TMEM100: variants seen among roughly 807,000 people sequenced by gnomAD.
TMEM100 encodes transmembrane protein 100.
For synonymous variants in TMEM100, 61 were observed against 67.1 expected (o/e 0.91, Z 0.44); for missense variants, 137 against 168.2 (o/e 0.81, Z 1.02).
At chr17:55,721,707 C>T (rs1597954167) in intron 1 of TMEM100, 3 of 152,356 alleles carry the variant, frequency 2.0e-5, no homozygotes, top group Admixed American at 2.0e-4. Flanking sequence ...ACAGTGCAAC[C>T]TGCTCCCTGG....
Position 55,722,658 on chromosome 17 carries a change from C to T in TMEM100, c.-105G>A, listed in dbSNP as rs1908935016. On this transcript the variant is annotated 5_prime_UTR_variant, in exon 1 of 2. Transcript: ENST00000424486. Reference sequence around the variant, plus strand: ...ATCCATTACCAGAGTAACCACTTGACTTGGAAGACAAGAAACAGCAACGCC... The same window carrying T: ...ATCCATTACCAGAGTAACCACTTGATTTGGAAGACAAGAAACAGCAACGCC... 1 of 152,252 alleles carries T rather than the reference C, an allele frequency of 6.6e-6. No homozygotes were observed. Among genetic ancestry groups the T allele is most frequent in the Admixed American group, 6.5e-5 (1 of 15,284 alleles). The allele number at this position is 152,252 out of a possible 1,614,324, so 9.4% of individuals were successfully genotyped here. A position where few individuals can be genotyped will look rare whatever the true frequency, so the allele number is the denominator to read the frequency against.
At chr17:55,724,463 A>T (rs975127672), upstream of TMEM100, among the ~76,000 whole-genome samples, 1 of 152,216 alleles carries the variant, frequency 6.6e-6, no homozygotes, top group Non-Finnish European at 1.5e-5. Flanking sequence ...GAGTACCGTC[A>T]CTTGGTGTTG....
At chr17:55,725,090 C>A (rs1195665040), upstream of TMEM100, among the ~76,000 whole-genome samples, 2 of 152,234 alleles carry the variant, frequency 1.3e-5, no homozygotes, top group Non-Finnish European at 2.9e-5. Context: ...ATCCTAACCA[C>A]TGACACATGC....
rs116250216 is a variant in TMEM100 at position 55,722,328 on chromosome 17, G to A, written c.-66+291C>T. 8.7e-3 allele frequency among the ~76,000 whole-genome samples: 1,325 copies of A among 152,244 alleles called. 17 individuals are homozygous for A. Among genetic ancestry groups the A allele is most frequent in the African/African-American group, 0.03 (1,245 of 41,534 alleles). ...GAGATTCATACTTTAAATATATTAA[G>A]CATCCACTGAAAACAAATTCAACTC... On this transcript the variant is annotated intron_variant, in intron 1 of 1. Coordinates refer to ENST00000424486, the MANE Select transcript of TMEM100 (RefSeq NM_018286.3).
chr17:55,722,937 T>G (rs1441219462), upstream of TMEM100: 1 of 152,160 alleles, frequency 6.6e-6, no homozygotes, highest in Non-Finnish European at 1.5e-5. Flanking sequence ...TTTTTTTTTT[T>G]CCTTCGTTCT....
Position 55,720,676 on chromosome 17 carries a change from A to G in TMEM100, c.395T>C (p.Leu132Ser). 1 of 1,605,218 alleles carries G rather than the reference A, an allele frequency of 6.2e-7. No individual in the cohort carries two copies. Among genetic ancestry groups the G allele is most frequent in the Non-Finnish European group, 8.5e-7 (1 of 1,176,352 alleles). ...QTALVANQRS[L>S]FA ...TGGTCGTATTCAGTCTCAAGCAAAC[A>G]AGCTTCTCTGATTTGCCACGAGAGC... Residue 132 changes from leucine (L) to serine (S), a missense_variant, in exon 2 of 2, where the codon TTG becomes TCG. Transcript: ENST00000424486.
At position 55,722,718 on chromosome 17, in the gene TMEM100, C is replaced by G. The variant is rs1908938700; in HGVS notation, c.-165G>C. ...TCGTCCAACTTCTGGGAAAGAGCCT[C>G]TAACAGCAAGGCTGTCAATAAAACA... On this transcript the variant is annotated 5_prime_UTR_variant, in exon 1 of 2. Coordinates refer to ENST00000424486, the MANE Select transcript of TMEM100 (RefSeq NM_018286.3). 1 of 152,188 alleles carries G rather than the reference C, an allele frequency of 6.6e-6. No individual in the cohort carries two copies. 9.4% of individuals were successfully genotyped at this position (152,188 alleles called of 1,614,324 possible).
At chr17:55,725,555 C>A (rs565591945), upstream of TMEM100, among the ~76,000 whole-genome samples, 8 of 152,236 alleles carry the variant, frequency 5.3e-5, no homozygotes, top group African/African-American at 1.7e-4. Flanking sequence ...CAGGGGGATG[C>A]AAATCACCAC....
At chr17:55,730,491 G>C (rs1273787990) in intron 1 of TMEM100, among the ~76,000 whole-genome samples, 1 of 152,078 alleles carries the variant, frequency 6.6e-6, no homozygotes, top group East Asian at 1.9e-4. Flanking sequence ...AATCCCTGTG[G>C]AATATTGTTT....
upstream of TMEM100, among the ~76,000 whole-genome samples, chr17:55,726,391 A>G (rs73312365): frequency 7.0e-3 from 1,063 of 152,268 alleles, 10 homozygotes; most frequent in African/African-American, 0.024. Flanking sequence ...CCATTTCCCT[A>G]AAGTGGAAGC....
rs118103468 is a variant in TMEM100 at position 55,729,267 on chromosome 17, G to A, written c.-358-1285C>T. Among the ~76,000 whole-genome samples, 11 of 152,302 alleles carry A rather than the reference G, an allele frequency of 7.2e-5. No homozygotes were observed. The East Asian group carries it at 2.1e-3, about 29-fold the overall frequency. ...CAATGGGCACCTGATATTGGCAAAC[G>A]CGGACAGGTAGGAAATCACTGCAAT... On this transcript the variant is annotated intron_variant, in intron 1 of 3. Coordinates refer to the TMEM100 transcript ENST00000575734.
At chr17:55,724,235 C>A (rs575734401), upstream of TMEM100, among the ~76,000 whole-genome samples, 3 of 152,156 alleles carry the variant, frequency 2.0e-5, no homozygotes, top group Non-Finnish European at 4.4e-5. Flanking sequence ...TCCAGCCTTG[C>A]CTTGTAGCAA....
chr17:55,729,436 C>T (rs9894105), intron 1 of TMEM100, among the ~76,000 whole-genome samples: 3 of 151,886 alleles, frequency 2.0e-5, no homozygotes, highest in East Asian at 1.9e-4. Flanking sequence ...AGATGTGGGG[C>T]GAGGAATATG....
At chr17:55,731,341 AT>A (rs1439763171) in intron 1 of TMEM100, among the ~76,000 whole-genome samples, 5 of 152,126 alleles carry the variant, frequency 3.3e-5, no homozygotes. Flanking sequence ...TAAAATGAAC[AT>A]TTCTGACTCT....
At position 55,721,125 on chromosome 17, in the gene TMEM100, CAGGGTGAA is replaced by C; in HGVS notation, c.-63_-56del. ...ACAGACTAGATCTGGACAGTCTCAC[CAGGGTGAA>C]AGCTGTGAAGATAACAGGAGATGTC... On this transcript the variant is annotated splice_region_variant and 5_prime_UTR_variant, in exon 2 of 2. It introduces an in-frame stop codon into an upstream open reading frame of the 5' UTR. Coordinates refer to ENST00000424486, the MANE Select transcript of TMEM100 (RefSeq NM_018286.3). The C allele has an allele frequency of 6.5e-7, 1 of 1,536,624 alleles. No homozygotes were observed. Among genetic ancestry groups the C allele is most frequent in the Non-Finnish European group, 8.8e-7 (1 of 1,142,218 alleles).
At chr17:55,721,596 G>A (rs1908891317) in intron 1 of TMEM100, 1 of 153,612 alleles carries the variant, frequency 6.5e-6, no homozygotes, top group African/African-American at 2.4e-5. Flanking sequence ...ATCACCCATT[G>A]GCTGCCCACA....
chr17:55,731,886 G>A (rs1181428023), exon 1 of TMEM100: 1 of 152,252 alleles, frequency 6.6e-6, no homozygotes, highest in African/African-American at 2.4e-5. Flanking sequence ...CATTTGAAAG[G>A]AAAGCAGCAG....
At chr17:55,731,748 AG>A (rs1287988001) in exon 1 of TMEM100, 1 of 152,236 alleles carries the variant, frequency 6.6e-6, no homozygotes. Context: ...TGCAGCACAA[AG>A]GTTTTCTTCA....
chr17:55,730,060 C>T (rs932377419), intron 1 of TMEM100, among the ~76,000 whole-genome samples: 2 of 152,108 alleles, frequency 1.3e-5, no homozygotes, highest in Non-Finnish European at 2.9e-5. Flanking sequence ...AATAGCAATC[C>T]AAATCCACTA....
Sources: gnomAD v4.1 joint callset for allele counts (sites outside exome capture counted in the v4.1 genomes callset) on GRCh38, gnomAD v4.1.1 for gene constraint, MANE v1.5 for transcripts, NCBI Gene and HGNC (gene_info 2026-07-23, HGNC 2026-07-21) for gene names.